The following CHRNG variants were observed in gnomAD, a reference collection of about 807,000 sequenced individuals.
CHRNG encodes acetylcholine receptor subunit gamma.
A neutral mutation model predicts 65.2 loss-of-function variants in CHRNG; 72 were observed. The ratio of observed to expected loss-of-function variants is 1.10; its 90% CI spans 0.91 to 1.34. The LOEUF is 1.34. Ranked by LOEUF, CHRNG falls within the 40% of genes most tolerant of loss-of-function variation. CHRNG has a pLI of 0.00. For synonymous variants in CHRNG, 284 were observed against 290.2 expected (o/e 0.98, Z 0.22); for missense variants, 637 against 680.1 (o/e 0.94, Z 0.70).
At position 232,542,944 on chromosome 2, in the gene CHRNG, G is replaced by A. The variant is rs748912147; in HGVS notation, c.667G>A (p.Ala223Thr). ...GATGCTCCTGGACCCAGCGGCGCCA[G>A]CCCAGGAAGCAGGCCACCAGAAGGT... The part of the protein sequence containing the change: ...AKMLLDPAAP[A>T]QEAGHQKVVF... The change falls in exon 7 of 12, where the codon GCC becomes ACC. Residue 223 changes from alanine to threonine, a missense_variant. Transcript: ENST00000651502. 6.2e-7 allele frequency: 1 copy of A among 1,614,196 alleles called. No individual in the cohort carries two copies. Among genetic ancestry groups the A allele is most frequent in the Non-Finnish European group, 8.5e-7 (1 of 1,180,034 alleles).
Position 232,541,513 on chromosome 2 carries a change from T to C in CHRNG, c.490T>C (p.Cys164Arg). 1 of 1,613,970 alleles carries C rather than the reference T, an allele frequency of 6.2e-7. No homozygotes were observed. Among genetic ancestry groups the C allele is most frequent in the Non-Finnish European group, 8.5e-7 (1 of 1,179,964 alleles). The change falls in exon 5 of 12, where the codon TGC becomes CGC. Residue 164 changes from cysteine to arginine, a missense_variant. By Grantham distance (180) the Cys-to-Arg change is radical. Transcript: ENST00000651502. This position sits in a 1 kb window ranked among gnomAD's most constrained non-coding sequence, Gnocchi z 4.0. ...CTACTTCCCCTTCGACTGGCAGAAC[T>C]GCTCCCTTATCTTCCAGTGAGGCCA... ...VTYFPFDWQNCSLIFQSQTYS... is the reference protein window; with the variant it reads ...VTYFPFDWQNRSLIFQSQTYS...
rs765181661 is a variant in CHRNG at position 232,545,722 on chromosome 2, CCAA to C, written c.*8_*10del. The C allele has an allele frequency of 4.8e-5, 78 of 1,614,004 alleles. No individual in the cohort carries two copies. Among genetic ancestry groups the C allele is most frequent in the Non-Finnish European group, 6.3e-5 (74 of 1,180,048 alleles). ...ACCTGCCCTCACCAGACTGAGCCAA[CCAA>C]CCACTGTGGGGCATGTGGGAGTCAC... is the stretch of plus-strand genomic sequence containing the variant. On this transcript the variant is annotated 3_prime_UTR_variant, in exon 12 of 12. Transcript: ENST00000651502.
chr2:232,545,328 AAAAAG>A, intron 11 of CHRNG, among the ~76,000 whole-genome samples: 1 of 150,326 alleles, frequency 6.7e-6, no homozygotes, highest in Non-Finnish European at 1.5e-5. Context: ...CAAAAAAAAA[AAAAAG>A]GAAAGAAAGA....
In CHRNG at chr2:232,543,480, A is replaced by ACCG. The variant is rs1553578009; in HGVS notation, c.920+93_920+94insGCC. On this transcript the variant is annotated intron_variant, in intron 8 of 11. Coordinates refer to ENST00000651502, the MANE Select transcript of CHRNG (RefSeq NM_005199.5). ...TGCATTGCCCTCTTGCCCTCCATCC[A>ACCG]CCCCCCCCATCCTCAATTCAGGAGG... 199 of 1,110,978 alleles carry ACCG rather than the reference A, an allele frequency of 1.8e-4. No individual in the cohort carries two copies. The African/African-American group carries it at 3.0e-3, about 17-fold the overall frequency. 68.8% of individuals were successfully genotyped at this position (1,110,978 alleles called of 1,614,324 possible).
rs1691978435 is a variant in CHRNG, at chr2:232,539,915, C to T, written c.56-77C>T. The T allele has an allele frequency of 2.5e-6, 4 of 1,610,534 alleles. No individual in the cohort carries two copies. The African/African-American group carries it at 4.0e-5, about 16-fold the overall frequency. ...CTGCCCTGGACCCAGTTCCCTGAGT[C>T]CCCACTTCACACCCCCAGGGCCTCC... On this transcript the variant is annotated intron_variant, in intron 1 of 11. Transcript: ENST00000651502.
rs745678449 is a variant in CHRNG, at chr2:232,547,680, G to A, written c.*1964G>A. Among the ~76,000 whole-genome samples the A allele has an allele frequency of 9.2e-5, 14 of 152,186 alleles. No individual in the cohort carries two copies. The highest frequency in any genetic ancestry group is 1.8e-4 in the Non-Finnish European group (12 of 68,028). On this transcript the variant is annotated 3_prime_UTR_variant, in exon 12 of 12. Coordinates refer to ENST00000651502, the MANE Select transcript of CHRNG (RefSeq NM_005199.5). ...TAGAGGAGTTAGGGAGAGTGGGGGAGAACTTCAATCAGGGAGGGAATCTGA... is the reference window on the plus strand; with the variant it reads ...TAGAGGAGTTAGGGAGAGTGGGGGAAAACTTCAATCAGGGAGGGAATCTGA...
At chr2:232,542,047 G>A (rs747800558) in intron 5 of CHRNG, among the ~76,000 whole-genome samples, 12 of 152,174 alleles carry the variant, frequency 7.9e-5, no homozygotes, top group Non-Finnish European at 1.2e-4. Context: ...CTTTCCATGA[G>A]CAAACCTGGC....
intron 8 of CHRNG, 43 bp downstream of exon 8, chr2:232,543,432 T>C: frequency 2.1e-6 from 3 of 1,433,828 alleles, no homozygotes; most frequent in Non-Finnish European, 2.9e-6. Context: ...CCACTCTCCC[T>C]TCTTGGGAGC....
In CHRNG at chr2:232,540,665, G is replaced by A; in HGVS notation, c.304G>A (p.Val102Met). 2 of 1,613,212 alleles carry A rather than the reference G, an allele frequency of 1.2e-6. No homozygotes were observed. The highest frequency in any genetic ancestry group is 8.5e-7 in the Non-Finnish European group (1 of 1,179,990). ...CTACGAAGGCCTGTGGGTGCTGAGG[G>A]TGCCGTCCACCATGGTGTGGCGGCC... ...RDYEGLWVLR[V>M]PSTMVWRPDI... The change falls in exon 4 of 12, where the codon GTG (valine) becomes ATG (methionine). Residue 102 changes from valine (V) to methionine (M), a missense_variant. Coordinates refer to ENST00000651502, the MANE Select transcript of CHRNG (RefSeq NM_005199.5). This position sits in a 1 kb window ranked among gnomAD's most constrained non-coding sequence, Gnocchi z 4.2.
chr2:232,544,635 G>A, intron 10 of CHRNG, 55 bp downstream of exon 10: 1 of 1,578,908 alleles, frequency 6.3e-7, no homozygotes, highest in East Asian at 2.2e-5. Flanking sequence ...CCCAGCTGGG[G>A]AGCCAGGCAC....
intron 11 of CHRNG, 39 bp downstream of exon 11, chr2:232,544,941 C>T (rs1393301045): frequency 1.2e-6 from 2 of 1,612,888 alleles, no homozygotes; most frequent in Admixed American, 1.7e-5. Flanking sequence ...GGAGTGAGTA[C>T]CTGGGCTTGG....
At position 232,542,709 on chromosome 2, in the gene CHRNG, T is replaced by C. The variant is rs143063340; in HGVS notation, c.605-173T>C. 3.8e-3 allele frequency among the ~76,000 whole-genome samples: 572 copies of C among 152,350 alleles called. 4 individuals are homozygous for C. Among genetic ancestry groups the C allele is most frequent in the African/African-American group, 0.013 (549 of 41,576 alleles). ...CTTTCCTCATGATAATGTCTCCAAT[T>C]TTAGAAGAGGCTCGAGCATCCAATC... is the stretch of plus-strand genomic sequence containing the variant. On this transcript the variant is annotated intron_variant, in intron 6 of 11. Transcript: ENST00000651502.
rs771527913 is a variant in CHRNG at position 232,543,277 on chromosome 2, G to C, written c.808G>C (p.Gly270Arg). The C allele has an allele frequency of 6.2e-7, 1 of 1,613,130 alleles. No homozygotes were observed. Among genetic ancestry groups the C allele is most frequent in the South Asian group, 1.1e-5 (1 of 91,054 alleles). Residue 270 changes from glycine (G) to arginine (R), a missense_variant and splice_region_variant, in exon 8 of 12, where the codon GGG (glycine) becomes CGG (arginine). By Grantham distance (125) the Gly-to-Arg change is moderately radical. Coordinates refer to ENST00000651502, the MANE Select transcript of CHRNG (RefSeq NM_005199.5). ...ILIHFLPAKA[G>R]GQKCTVAINV... Reference sequence around the variant, plus strand: ...GAGAGCCTCTCGGTCATGGATAGCTGGGGGCCAGAAGTGTACCGTCGCCAT... The same window carrying C: ...GAGAGCCTCTCGGTCATGGATAGCTCGGGGCCAGAAGTGTACCGTCGCCAT...
chr2:232,544,771 G>A lies in CHRNG; in HGVS notation c.1250-1G>A. 6.2e-7 allele frequency: 1 copy of A among 1,614,022 alleles called. No individual in the cohort carries two copies. ...CAAACCTTACCCTTTCTCTTTATCA[G>A]AGAAAGGCCCGGAGTTAGGGCTGAG... is the stretch of plus-strand genomic sequence containing the variant. On this transcript the variant is annotated splice_acceptor_variant, in intron 10 of 11. Transcript: ENST00000651502. LOFTEE classifies it high-confidence loss of function.
chr2:232,545,162 C>G (rs891361720), intron 11 of CHRNG, among the ~76,000 whole-genome samples: 4 of 152,036 alleles, frequency 2.6e-5, no homozygotes, highest in African/African-American at 9.7e-5. Context: ...CAAAAATTAG[C>G]TGGGTGTGGT....
rs1345635809 is a variant in CHRNG at position 232,539,737 on chromosome 2, G to A, written c.-11G>A. On this transcript the variant is annotated 5_prime_UTR_variant, in exon 1 of 12. Coordinates refer to ENST00000651502, the MANE Select transcript of CHRNG (RefSeq NM_005199.5). ...TGTCCCACCCCTGTCACTGCAGAGA[G>A]CTGAGGCACCATGCATGGGGGCCAG... 1 of 1,613,770 alleles carries A rather than the reference G, an allele frequency of 6.2e-7. No individual in the cohort carries two copies. Among genetic ancestry groups the A allele is most frequent in the Admixed American group, 1.7e-5 (1 of 60,028 alleles).
rs1307770334 is a variant in CHRNG, at chr2:232,540,666, T to C, written c.305T>C (p.Val102Ala). The change falls in exon 4 of 12, where the codon GTG (valine) becomes GCG (alanine). Residue 102 changes from valine (V) to alanine (A), a missense_variant. By Grantham distance (64) the Val-to-Ala change is moderately conservative. Transcript: ENST00000651502. The surrounding 1 kb of genome is among the most constrained non-coding windows in gnomAD (Gnocchi z 4.2). ...RDYEGLWVLR[V>A]PSTMVWRPDI... is the part of the protein sequence containing the mutation. ...TACGAAGGCCTGTGGGTGCTGAGGG[T>C]GCCGTCCACCATGGTGTGGCGGCCG... is the stretch of plus-strand genomic sequence containing the variant. The C allele has an allele frequency of 6.2e-7, 1 of 1,612,966 alleles. No homozygotes were observed. The highest frequency in any genetic ancestry group is 8.5e-7 in the Non-Finnish European group (1 of 1,179,922).
intron 10 of CHRNG, 62 bp downstream of exon 10, chr2:232,544,642 G>T: frequency 6.4e-7 from 1 of 1,570,888 alleles, no homozygotes; most frequent in Non-Finnish European, 8.8e-7. Context: ...GGGGAGCCAG[G>T]CACAGCAGAT....
At chr2:232,544,032 T>C (rs2106222584) in intron 9 of CHRNG, among the ~76,000 whole-genome samples, 1 of 152,342 alleles carries the variant, frequency 6.6e-6, no homozygotes, top group East Asian at 1.9e-4. Context: ...GGCAGTCTGA[T>C]TCCAGTCTGT....
Sources: allele counts gnomAD v4.1 joint callset (sites outside exome capture counted in the v4.1 genomes callset), GRCh38; gene constraint gnomAD v4.1.1; non-coding constraint Gnocchi (gnomAD v3.1); transcripts MANE v1.5; gene names NCBI Gene and HGNC (gene_info 2026-07-23, HGNC 2026-07-21).